Variants in PLCL1 observed in about 807,000 individuals in gnomAD.
PLCL1 encodes the protein inactive phospholipase C-like protein 1.
PLCL1 carries 41 observed loss-of-function variants against 84.4 expected under a neutral mutation model. That is an observed-to-expected ratio of 0.49 (90% CI 0.38 to 0.63). The LOEUF (loss-of-function observed/expected upper bound fraction) is 0.63, where lower values mean the gene tolerates loss of function less well. Among genes scored for constraint, PLCL1 ranks in the 30% least tolerant of loss-of-function variants. The probability of loss-of-function intolerance (pLI) is 0.00; values close to 1 mark genes in which losing one functional copy is unlikely to be tolerated. For missense variants in PLCL1, 1,206 were observed against 1,367.8 expected (o/e 0.88, Z 1.87); for synonymous variants, 490 against 488.3 (o/e 1.00, Z -0.05).
intron 1 of PLCL1, among the ~76,000 whole-genome samples, chr2:198,023,373 T>C (rs935494210): frequency 2.0e-5 from 3 of 151,988 alleles, no homozygotes; most frequent in Non-Finnish European, 4.4e-5. Flanking sequence ...CAAAAGCAAT[T>C]GCAACAAAAG....
chr2:198,062,304 A>G (rs970485856), intron 1 of PLCL1, among the ~76,000 whole-genome samples: 1 of 152,204 alleles, frequency 6.6e-6, no homozygotes, highest in African/African-American at 2.4e-5. Context: ...ATACAAGACA[A>G]TTGTGATAAA....
At chr2:198,046,554 CT>C (rs1691798741) in intron 1 of PLCL1, among the ~76,000 whole-genome samples, 1 of 152,166 alleles carries the variant, frequency 6.6e-6, no homozygotes, top group East Asian at 1.9e-4. Context: ...TCAAAAAACC[CT>C]TTTCAGGCTC....
chr2:197,851,368 AGC>A (rs1422363436), intron 1 of PLCL1, among the ~76,000 whole-genome samples: 3 of 152,374 alleles, frequency 2.0e-5, no homozygotes, highest in East Asian at 3.9e-4. Context: ...GTAATTACGT[AGC>A]TTATCAAGTA....
At chr2:198,000,105 T>G (rs1234493633) in intron 1 of PLCL1, among the ~76,000 whole-genome samples, 1 of 152,154 alleles carries the variant, frequency 6.6e-6, no homozygotes, top group Non-Finnish European at 1.5e-5. Flanking sequence ...ATAGAATTTT[T>G]TTTTGTACAT....
intron 1 of PLCL1, among the ~76,000 whole-genome samples, chr2:197,876,694 A>G (rs1487320971): frequency 2.0e-5 from 3 of 152,034 alleles, no homozygotes; most frequent in South Asian, 2.1e-4. Flanking sequence ...TTAATACTAC[A>G]CTTGCCTTCT....
chr2:197,956,376 AACAT>A (rs1689494325), intron 1 of PLCL1, among the ~76,000 whole-genome samples: 1 of 152,162 alleles, frequency 6.6e-6, no homozygotes, highest in African/African-American at 2.4e-5. Flanking sequence ...TGCTGCAGTG[AACAT>A]ACATGTGCAT....
At chr2:198,071,493 C>T (rs1157108098) in intron 1 of PLCL1, among the ~76,000 whole-genome samples, 1 of 151,674 alleles carries the variant, frequency 6.6e-6, no homozygotes, top group Non-Finnish European at 1.5e-5. Context: ...ATTTCCCTAC[C>T]TTTAGTAATC....
intron 1 of PLCL1, among the ~76,000 whole-genome samples, chr2:197,909,401 G>C (rs1377288147): frequency 6.6e-6 from 1 of 151,298 alleles, no homozygotes; most frequent in African/African-American, 2.4e-5. Context: ...ACTAAGACTT[G>C]CTCCAACATA....
chr2:197,874,956 C>T (rs1221156683), intron 1 of PLCL1, among the ~76,000 whole-genome samples: 4 of 151,976 alleles, frequency 2.6e-5, no homozygotes, highest in Admixed American at 6.6e-5. Flanking sequence ...ATCTCACAGC[C>T]ATAATACTGA....
At chr2:198,115,496 C>T (rs1693721972) in intron 5 of PLCL1, among the ~76,000 whole-genome samples, 1 of 151,734 alleles carries the variant, frequency 6.6e-6, no homozygotes, top group Non-Finnish European at 1.5e-5. Context: ...CTTAACCATC[C>T]CTGATTTCCT....
At chr2:197,865,959 A>G (rs1302144819) in intron 1 of PLCL1, among the ~76,000 whole-genome samples, 1 of 142,566 alleles carries the variant, frequency 7.0e-6, no homozygotes, top group Admixed American at 7.2e-5. Flanking sequence ...TGCATAAGCC[A>G]TGATTGCACC....
intron 3 of PLCL1, among the ~76,000 whole-genome samples, chr2:198,093,348 C>A (rs1693099414): frequency 1.3e-5 from 2 of 152,106 alleles, no homozygotes; most frequent in Non-Finnish European, 2.9e-5. Context: ...ATATACCACA[C>A]TAATGCAAAA....
At chr2:198,028,740 T>C (rs1173920496) in intron 1 of PLCL1, among the ~76,000 whole-genome samples, 3 of 152,162 alleles carry the variant, frequency 2.0e-5, no homozygotes, top group Non-Finnish European at 4.4e-5. Flanking sequence ...TCTCTAGCTT[T>C]TGATGTTTAA....
chr2:198,056,251 A>C (rs1410851806), intron 1 of PLCL1, among the ~76,000 whole-genome samples: 1 of 152,216 alleles, frequency 6.6e-6, no homozygotes, highest in African/African-American at 2.4e-5. Context: ...AGAATTTTTC[A>C]TCAGGAAGGC....
Position 198,018,032 on chromosome 2 carries a change from C to T in PLCL1, c.241-65726C>T, listed in dbSNP as rs144218416. Among the ~76,000 whole-genome samples the T allele has an allele frequency of 5.1e-3, 774 of 152,228 alleles. 7 individuals carry two copies. Among genetic ancestry groups the T allele is most frequent in the African/African-American group, 0.017 (702 of 41,530 alleles). On this transcript the variant is annotated intron_variant, in intron 1 of 5. Transcript: ENST00000428675. The stretch of plus-strand genomic sequence containing the variant: ...TTTTTGCATTTCCAACTGAAGCACC[C>T]GGTTCATCTCACTGGGATTGGTTAG...
chr2:197,982,203 GTATA>G, intron 1 of PLCL1, among the ~76,000 whole-genome samples: 1 of 149,244 alleles, frequency 6.7e-6, no homozygotes, highest in East Asian at 2.0e-4. Context: ...TAGAATTTAT[GTATA>G]TATATATGTA....
intron 1 of PLCL1, among the ~76,000 whole-genome samples, chr2:198,074,666 A>C (rs971156319): frequency 6.6e-6 from 1 of 152,146 alleles, no homozygotes; most frequent in African/African-American, 2.4e-5. Flanking sequence ...AAACAAAAAA[A>C]CCCCTGAAAA....
chr2:197,812,139 A>T (rs1207481295), intron 1 of PLCL1, among the ~76,000 whole-genome samples: 1 of 152,230 alleles, frequency 6.6e-6, no homozygotes. Context: ...TGCAAAGCAC[A>T]TGATTTTGTT....
At chr2:197,909,853 G>A (rs1688450592) in intron 1 of PLCL1, among the ~76,000 whole-genome samples, 1 of 152,142 alleles carries the variant, frequency 6.6e-6, no homozygotes, top group South Asian at 2.1e-4. Flanking sequence ...GGCTTTGCAG[G>A]TACTGTGACC....
Sources: gnomAD v4.1 joint callset for allele counts (sites outside exome capture counted in the v4.1 genomes callset) on GRCh38, gnomAD v4.1.1 for gene constraint, MANE v1.5 for transcripts, NCBI Gene and HGNC (gene_info 2026-07-23, HGNC 2026-07-21) for gene names.